Variants in GLI3 observed in about 807,000 individuals in gnomAD.
GLI3 encodes the protein transcription activator GLI3.
GLI3 carries 20 observed loss-of-function variants against 100.8 expected under a neutral mutation model. That is an observed-to-expected ratio of 0.20 (90% CI 0.14 to 0.29). The LOEUF (loss-of-function observed/expected upper bound fraction) is 0.29. Ranked by LOEUF, GLI3 falls within the 10% of genes least tolerant of loss-of-function variation. GLI3 has a pLI of 1.00. For synonymous variants in GLI3, 938 were observed against 860.5 expected (o/e 1.09, Z -1.58); for missense variants, 2,040 against 2,128.5 (o/e 0.96, Z 0.82).
intron 10 of GLI3, among the ~76,000 whole-genome samples, chr7:42,004,178 A>G (rs1244640387): frequency 3.3e-5 from 5 of 152,198 alleles, no homozygotes; most frequent in African/African-American, 1.2e-4. Flanking sequence ...ATAAAGGTTG[A>G]ACCCCAAAGG....
intron 7 of GLI3, among the ~76,000 whole-genome samples, chr7:42,037,294 C>T (rs846327): frequency 0.56 from 84,962 of 152,108 alleles, 25,880 homozygotes; most frequent in African/African-American, 0.82. Context: ...CTGTACCTTT[C>T]GCTGTTGAGA....
In GLI3 at chr7:41,965,736, G is replaced by C; in HGVS notation, c.3337C>G (p.Pro1113Ala). 1 of 1,613,604 alleles carries C rather than the reference G, an allele frequency of 6.2e-7. No homozygotes were observed. The highest frequency in any genetic ancestry group is 8.5e-7 in the Non-Finnish European group (1 of 1,179,922). Residue 1113 changes from proline (P) to alanine (A), a missense_variant, in exon 15 of 15, where the codon CCC becomes GCC. Transcript: ENST00000395925. ...TTGCTGTCGTCCGGGAGGGCGCTGG[G>C]GAAGTGCTGCTCGTACCCTGCTTGG... ...QNQAGYEQHF[P>A]SALPDDSKVP... is the part of the protein sequence containing the mutation.
At chr7:42,260,333 G>A (rs1346975893) in intron 1 of GLI3, among the ~76,000 whole-genome samples, 1 of 152,186 alleles carries the variant, frequency 6.6e-6, no homozygotes, top group Non-Finnish European at 1.5e-5. Context: ...TATTTAAATA[G>A]AAGCAATGTA....
At chr7:42,038,837 G>T (rs544793199) in intron 7 of GLI3, among the ~76,000 whole-genome samples, 1 of 152,266 alleles carries the variant, frequency 6.6e-6, no homozygotes, top group African/African-American at 2.4e-5. Flanking sequence ...CTAAATGTGG[G>T]TATCTTGCTA....
At chr7:42,056,796 C>A (rs886460853) in intron 4 of GLI3, among the ~76,000 whole-genome samples, 3 of 121,968 alleles carry the variant, frequency 2.5e-5, no homozygotes. Context: ...ACTAAAAATA[C>A]AAAAATAAAT....
intron 10 of GLI3, among the ~76,000 whole-genome samples, chr7:41,994,601 G>A (rs1788074430): frequency 6.6e-6 from 1 of 152,158 alleles, no homozygotes; most frequent in Admixed American, 6.5e-5. Flanking sequence ...TTCTTCACAT[G>A]GTGAAATCAC....
chr7:42,192,268 A>G (rs922368750), intron 2 of GLI3, among the ~76,000 whole-genome samples: 2 of 152,184 alleles, frequency 1.3e-5, no homozygotes, highest in Non-Finnish European at 2.9e-5. Flanking sequence ...GCCAGCCAAG[A>G]AATTGCAATC....
intron 3 of GLI3, chr7:42,118,433 C>A (rs1785913667): frequency 2.5e-6 from 1 of 396,974 alleles, no homozygotes; most frequent in African/African-American, 2.1e-5. Context: ...TCAAAATGGG[C>A]CTTCTAATCA....
intron 13 of GLI3, among the ~76,000 whole-genome samples, chr7:41,968,329 T>G (rs1160280108): frequency 1.3e-5 from 2 of 152,186 alleles, no homozygotes. Context: ...GGGATTGTTG[T>G]GAGGAATTAA....
At chr7:42,252,379 A>C (rs1421303444) in intron 1 of GLI3, among the ~76,000 whole-genome samples, 1 of 152,162 alleles carries the variant, frequency 6.6e-6, no homozygotes, top group Admixed American at 6.5e-5. Flanking sequence ...ATCAGAAAAA[A>C]TACTAGGCTT....
chr7:42,068,955 T>C (rs1193461566), intron 4 of GLI3, among the ~76,000 whole-genome samples: 1 of 152,196 alleles, frequency 6.6e-6, no homozygotes, highest in Non-Finnish European at 1.5e-5. Context: ...AGTAAATTTC[T>C]GTTTTCTTTG....
chr7:42,046,452 GAT>G (rs1365590237), intron 5 of GLI3, among the ~76,000 whole-genome samples: 1 of 152,138 alleles, frequency 6.6e-6, no homozygotes, highest in Non-Finnish European at 1.5e-5. Context: ...ACATGGTAAA[GAT>G]AGAGATTTAA....
chr7:42,026,089 C>A, intron 8 of GLI3, 110 bp downstream of exon 8: 1 of 741,838 alleles, frequency 1.3e-6, no homozygotes, highest in South Asian at 1.5e-5. Flanking sequence ...GATGCTAGTA[C>A]AGAGGCTGTG....
chr7:42,021,975 G>T (rs924808582), intron 10 of GLI3, among the ~76,000 whole-genome samples: 3 of 152,116 alleles, frequency 2.0e-5, no homozygotes, highest in African/African-American at 7.2e-5. Context: ...AAAACAGTCA[G>T]CAAGAATAAA....
intron 1 of GLI3, among the ~76,000 whole-genome samples, chr7:42,254,491 G>A (rs1211448694): frequency 6.6e-6 from 1 of 152,186 alleles, no homozygotes; most frequent in Non-Finnish European, 1.5e-5. Flanking sequence ...AAGTGGGAGA[G>A]CATTTAAATG....
At position 41,965,756 on chromosome 7, in the gene GLI3, G is replaced by A; in HGVS notation, c.3317C>T (p.Ala1106Val). The change falls in exon 15 of 15, where the codon GCA becomes GTA. Residue 1106 changes from alanine (A) to valine (V), a missense_variant. Ala to Val is a moderately conservative substitution (Grantham distance 64). Coordinates refer to ENST00000395925, the MANE Select transcript of GLI3 (RefSeq NM_000168.6). ...GCTGGGGAAGTGCTGCTCGTACCCT[G>A]CTTGGTTCTGGGAATTTAAATACTG... ...VVQYLNSQNQAGYEQHFPSAL... is the reference protein window; with the variant it reads ...VVQYLNSQNQVGYEQHFPSAL... The A allele has an allele frequency of 1.9e-6, 3 of 1,613,468 alleles. No homozygotes were observed. The highest frequency in any genetic ancestry group is 2.5e-6 in the Non-Finnish European group (3 of 1,179,924).
intron 10 of GLI3, among the ~76,000 whole-genome samples, chr7:41,996,134 A>T (rs1468526482): frequency 6.6e-6 from 1 of 152,282 alleles, no homozygotes; most frequent in Non-Finnish European, 1.5e-5. Flanking sequence ...TAGAAAATTT[A>T]TTTTTGGTGG....
At chr7:42,129,481 G>C (rs1786217742) in intron 3 of GLI3, among the ~76,000 whole-genome samples, 1 of 152,216 alleles carries the variant, frequency 6.6e-6, no homozygotes, top group South Asian at 2.1e-4. Flanking sequence ...TTCTTCAAGA[G>C]GGCAAAGAAA....
intron 7 of GLI3, among the ~76,000 whole-genome samples, chr7:42,033,591 G>A (rs1428106016): frequency 5.9e-5 from 9 of 152,268 alleles, no homozygotes; most frequent in African/African-American, 2.2e-4. Context: ...GAAAAGAGAG[G>A]GGAGAGAGAC....
Sources: gnomAD v4.1 joint callset for allele counts (sites outside exome capture counted in the v4.1 genomes callset) on GRCh38, gnomAD v4.1.1 for gene constraint, MANE v1.5 for transcripts, NCBI Gene and HGNC (gene_info 2026-07-23, HGNC 2026-07-21) for gene names.